The following FSIP1 variants were observed in gnomAD, a reference collection of about 807,000 sequenced individuals.
FSIP1 encodes the protein fibrous sheath interacting protein 1.
A neutral mutation model predicts 60.9 loss-of-function variants in FSIP1; 65 were observed. The ratio of observed to expected loss-of-function variants is 1.07; its 90% confidence interval spans 0.87 to 1.31. The LOEUF (loss-of-function observed/expected upper bound fraction) is 1.31, where lower values mean the gene tolerates loss of function less well. FSIP1 is among the 40% of genes most tolerant of loss of function. The pLI, the probability that FSIP1 is intolerant of heterozygous loss-of-function variation, is 0.00. For synonymous variants in FSIP1, 209 were observed against 221.2 expected, an observed-to-expected ratio of 0.94 and a Z score of 0.49; for missense variants, 675 against 665.5, an observed-to-expected ratio of 1.01 and a Z score of -0.16.
intron 9 of FSIP1, among the ~76,000 whole-genome samples, chr15:39,722,937 A>C (rs1237986225): frequency 6.7e-6 from 1 of 149,546 alleles, no homozygotes; most frequent in Non-Finnish European, 1.5e-5. Context: ...CTCTTGAAGA[A>C]AAAAAAAAAA....
At chr15:39,602,432 T>C (rs545676791) in intron 11 of FSIP1, 533 of 452,550 alleles carry the variant, frequency 1.2e-3, no homozygotes, top group African/African-American at 8.8e-3. Context: ...ATTTCTGTCA[T>C]GGTAAGTTGT....
chr15:39,690,195 C>T (rs1052842438), intron 10 of FSIP1, among the ~76,000 whole-genome samples: 1 of 152,176 alleles, frequency 6.6e-6, no homozygotes, highest in Non-Finnish European at 1.5e-5. Context: ...GACTGAAAAG[C>T]GTACAGCCAG....
At chr15:39,683,731 A>G (rs1288072371) in intron 10 of FSIP1, among the ~76,000 whole-genome samples, 2 of 152,264 alleles carry the variant, frequency 1.3e-5, no homozygotes, top group African/African-American at 4.8e-5. Flanking sequence ...TAGCAAGTTC[A>G]CAGGATAAAG....
intron 9 of FSIP1, among the ~76,000 whole-genome samples, chr15:39,721,681 T>C (rs1018323073): frequency 2.0e-5 from 3 of 152,214 alleles, no homozygotes; most frequent in Non-Finnish European, 2.9e-5. Flanking sequence ...AAGTGGGCCT[T>C]AGGGCCTGCC....
intron 5 of FSIP1, among the ~76,000 whole-genome samples, chr15:39,753,107 A>T (rs2140675516): frequency 6.6e-6 from 1 of 152,278 alleles, no homozygotes; most frequent in African/African-American, 2.4e-5. Context: ...AGTGACATGG[A>T]TGCATTGCCA....
rs1485919589 is a variant in FSIP1, at chr15:39,686,113, A to C, written c.1188+27331T>G. 2.0e-5 allele frequency among the ~76,000 whole-genome samples: 3 copies of C among 152,242 alleles called. No individual in the cohort carries two copies. In the East Asian group the frequency reaches 5.8e-4, roughly 29 times the overall value. On this transcript the variant is annotated intron_variant, in intron 10 of 11. Coordinates refer to ENST00000350221, the MANE Select transcript of FSIP1 (RefSeq NM_152597.5). Reference sequence around the variant, plus strand: ...AAACTTTATCCTATCAAGGACAGCAATAGGCTAACCGAATTCACCACCTAT... The same window carrying C: ...AAACTTTATCCTATCAAGGACAGCACTAGGCTAACCGAATTCACCACCTAT...
At chr15:39,718,195 C>T (rs1895816795) in intron 9 of FSIP1, among the ~76,000 whole-genome samples, 1 of 151,974 alleles carries the variant, frequency 6.6e-6, no homozygotes, top group African/African-American at 2.4e-5. Flanking sequence ...TTGTCAAAAA[C>T]TCTAACATAG....
intron 11 of FSIP1, among the ~76,000 whole-genome samples, chr15:39,605,717 A>C (rs1478247854): frequency 6.6e-5 from 10 of 152,238 alleles, no homozygotes; most frequent in Non-Finnish European, 1.2e-4. Flanking sequence ...TTTGTCAGAA[A>C]TGTCAGAAAT....
intron 10 of FSIP1, among the ~76,000 whole-genome samples, chr15:39,627,610 C>T (rs910761806): frequency 2.6e-5 from 4 of 151,782 alleles, no homozygotes; most frequent in African/African-American, 7.3e-5. Context: ...TGGTATCTCT[C>T]TGCATATGTC....
chr15:39,617,825 A>C lies in FSIP1; in HGVS notation c.1609T>G (p.Phe537Val). Residue 537 changes from phenylalanine (F) to valine (V), a missense_variant, in exon 11 of 12, where the codon TTC becomes GTC. Transcript: ENST00000350221. Reference sequence around the variant, plus strand: ...ATACCATACAGTGGATCATCTAAGAAGGAGGGCCTTTTCAGTCTCCCAATG... The same window carrying C: ...ATACCATACAGTGGATCATCTAAGACGGAGGGCCTTTTCAGTCTCCCAATG... ...LGIGRLKRPS[F>V]LDDPLYGISV... is the part of the protein sequence containing the mutation. The C allele has an allele frequency of 6.2e-7, 1 of 1,613,650 alleles. No individual in the cohort carries two copies. Among genetic ancestry groups the C allele is most frequent in the Non-Finnish European group, 8.5e-7 (1 of 1,179,984 alleles).
At chr15:39,663,195 T>G (rs1893367555) in intron 10 of FSIP1, among the ~76,000 whole-genome samples, 1 of 152,182 alleles carries the variant, frequency 6.6e-6, no homozygotes, top group Admixed American at 6.5e-5. Flanking sequence ...AAAATTTAAT[T>G]CGACTTTTTC....
At chr15:39,643,266 T>G (rs1198245885) in intron 10 of FSIP1, among the ~76,000 whole-genome samples, 1 of 152,244 alleles carries the variant, frequency 6.6e-6, no homozygotes, top group Non-Finnish European at 1.5e-5. Context: ...ATTTAAAAGA[T>G]GAGTAGACAA....
In FSIP1 at chr15:39,618,035, C is replaced by T. The variant is rs1284516624; in HGVS notation, c.1399G>A (p.Asp467Asn). ...TCTTCACTCTCAAGCATATCTGCAT[C>T]TTCTACCTCAGTTTTCTGGACCTTT... ...ETKVQKTEVEDADMLESEECE... is the reference protein window; with the variant it reads ...ETKVQKTEVENADMLESEECE... Residue 467 changes from aspartate to asparagine, a missense_variant, in exon 11 of 12, where the codon GAT becomes AAT. By Grantham distance (23) the Asp-to-Asn change is conservative (BLOSUM62 1). Transcript: ENST00000350221. 6.2e-7 allele frequency: 1 copy of T among 1,614,164 alleles called. No homozygotes were observed. Among genetic ancestry groups the T allele is most frequent in the Admixed American group, 1.7e-5 (1 of 60,028 alleles).
intron 10 of FSIP1, among the ~76,000 whole-genome samples, chr15:39,631,453 C>G (rs960432343): frequency 1.3e-5 from 2 of 152,204 alleles, no homozygotes; most frequent in Non-Finnish European, 2.9e-5. Context: ...CAAGGGCAGA[C>G]AGACAGACAA....
At chr15:39,624,575 A>G (rs995198521) in intron 10 of FSIP1, among the ~76,000 whole-genome samples, 1 of 152,206 alleles carries the variant, frequency 6.6e-6, no homozygotes, top group Non-Finnish European at 1.5e-5. Flanking sequence ...TAATGTCTGT[A>G]TCAATGGCGC....
intron 10 of FSIP1, among the ~76,000 whole-genome samples, chr15:39,628,697 T>C (rs1436742058): frequency 2.0e-5 from 3 of 152,180 alleles, no homozygotes; most frequent in Non-Finnish European, 2.9e-5. Flanking sequence ...GGAGAGGAAA[T>C]ACCCTTACCA....
rs1226145532 is a variant in FSIP1, at chr15:39,639,920, T to C, written c.1189-21675A>G. Among the ~76,000 whole-genome samples, 3 of 152,228 alleles carry C rather than the reference T, an allele frequency of 2.0e-5. No homozygotes were observed. In the East Asian group the frequency reaches 5.8e-4, roughly 29 times the overall value. On this transcript the variant is annotated intron_variant, in intron 10 of 11. Transcript: ENST00000350221. ...TCAAAACAACAAATATAGTATTTTA[T>C]TCCCACTAGACTGTAAGTCTCATTT...
intron 2 of FSIP1, among the ~76,000 whole-genome samples, chr15:39,772,895 C>T (rs1897937438): frequency 6.6e-6 from 1 of 151,974 alleles, no homozygotes. Flanking sequence ...CCAGCCCCAC[C>T]TCCATTTTTC....
intron 10 of FSIP1, among the ~76,000 whole-genome samples, chr15:39,710,527 G>A (rs146183465): frequency 6.6e-6 from 1 of 151,278 alleles, no homozygotes; most frequent in African/African-American, 2.4e-5. Context: ...TGAAAGTGTT[G>A]ACTATAAAAC....
Sources: allele counts gnomAD v4.1 joint callset (sites outside exome capture counted in the v4.1 genomes callset), GRCh38; gene constraint gnomAD v4.1.1; transcripts MANE v1.5; gene names NCBI Gene and HGNC (gene_info 2026-07-23, HGNC 2026-07-21).